GPC3: variants seen among roughly 807,000 people sequenced by gnomAD.
GPC3 encodes the protein glypican 3.
GPC3 carries 3 observed loss-of-function variants against 34.4 expected under a neutral mutation model. That is an observed-to-expected ratio of 0.09 (90% confidence interval 0.04 to 0.23). The LOEUF is 0.23. GPC3 is among the 10% of genes least tolerant of loss of function. The pLI is 1.00. For synonymous variants in GPC3, 177 were observed against 174.0 expected, an observed-to-expected ratio of 1.02 and a Z score of -0.13; for missense variants, 351 against 445.6, an observed-to-expected ratio of 0.79 and a Z score of 1.91.
intron 5 of GPC3, among the ~76,000 whole-genome samples, chrX:133,671,741 G>A (rs1321563839): frequency 9.1e-6 from 1 of 110,465 alleles, no homozygotes; most frequent in Admixed American, 9.7e-5. Flanking sequence ...GTGCCATATT[G>A]GTTTGCTGCA....
chrX:133,981,539 G>C (rs944330135), intron 1 of GPC3, among the ~76,000 whole-genome samples: 2 of 112,125 alleles, frequency 1.8e-5, no homozygotes, highest in African/African-American at 6.5e-5. Flanking sequence ...ACACAATACA[G>C]AGTTTTTTGT....
chrX:133,861,174 G>C (rs1436833186), intron 2 of GPC3, among the ~76,000 whole-genome samples: 1 of 111,421 alleles, frequency 9.0e-6, no homozygotes, highest in East Asian at 2.8e-4. Flanking sequence ...AAACTGCATA[G>C]ACTTAAAATT....
At chrX:133,682,584 C>T (rs1028020239) in intron 5 of GPC3, among the ~76,000 whole-genome samples, 1 of 111,842 alleles carries the variant, frequency 8.9e-6, no homozygotes, top group African/African-American at 3.3e-5. Context: ...GAGTAGGTAT[C>T]ATTACTCCCA....
intron 2 of GPC3, among the ~76,000 whole-genome samples, chrX:133,795,256 G>C (rs559695134): frequency 3.0e-4 from 34 of 112,720 alleles, no homozygotes; most frequent in East Asian, 8.3e-4. Flanking sequence ...CTATTTTTCA[G>C]GAACAATGTC....
At chrX:133,781,603 T>G (rs148529447) in intron 2 of GPC3, among the ~76,000 whole-genome samples, 1 of 112,347 alleles carries the variant, frequency 8.9e-6, no homozygotes, top group South Asian at 3.7e-4. Context: ...AGAGCAGACT[T>G]CTTTTTCTGA....
intron 2 of GPC3, among the ~76,000 whole-genome samples, chrX:133,813,980 C>T (rs943779330): frequency 7.2e-5 from 8 of 111,792 alleles, no homozygotes; most frequent in Non-Finnish European, 1.5e-4. Context: ...ATCGTACAAA[C>T]GTCAGAAATG....
intron 2 of GPC3, among the ~76,000 whole-genome samples, chrX:133,933,533 G>A (rs1344146644): frequency 9.0e-6 from 1 of 110,943 alleles, no homozygotes; most frequent in South Asian, 3.9e-4. Flanking sequence ...TATTTGTACC[G>A]GACCAAATCT....
At chrX:133,646,274 A>T (rs1279603406) in intron 6 of GPC3, among the ~76,000 whole-genome samples, 1 of 111,178 alleles carries the variant, frequency 9.0e-6, no homozygotes, top group Non-Finnish European at 1.9e-5. Context: ...AGCACTGGTA[A>T]TCGGCTACAT....
At chrX:133,742,338 G>C in intron 3 of GPC3, among the ~76,000 whole-genome samples, 1 of 111,371 alleles carries the variant, frequency 9.0e-6, no homozygotes, top group Non-Finnish European at 1.9e-5. Context: ...TTAGTGTGGG[G>C]TTTCATCCAT....
At chrX:133,621,953 C>T (rs1385536047) in intron 6 of GPC3, among the ~76,000 whole-genome samples, 2 of 111,989 alleles carry the variant, frequency 1.8e-5, no homozygotes, top group African/African-American at 6.5e-5. Context: ...TGAGATGAAG[C>T]TTCCAGAGGA....
Position 133,768,948 on chromosome X carries a change from AC to A in GPC3, c.338-14773del, listed in dbSNP as rs199776318. On this transcript the variant is annotated intron_variant, in intron 2 of 7. Transcript: ENST00000370818. Reference sequence around the variant, plus strand: ...GAGCAAGACACTGTCTCAAAAAAAAACAAAAGAAAGAAGAAAGAAAGAAAAG... The same window carrying A: ...GAGCAAGACACTGTCTCAAAAAAAAAAAAAGAAAGAAGAAAGAAAGAAAAG... 5.5e-4 allele frequency among the ~76,000 whole-genome samples: 61 copies of A among 111,000 alleles called. 1 individual carries two copies. Among genetic ancestry groups the A allele is most frequent in the African/African-American group, 1.9e-3 (57 of 30,302 alleles).
chrX:133,710,220 T>C (rs2071254895), intron 3 of GPC3, among the ~76,000 whole-genome samples: 1 of 112,193 alleles, frequency 8.9e-6, no homozygotes, highest in Admixed American at 9.5e-5. Context: ...TGCTGCTAAA[T>C]TGAACTACAG....
intron 2 of GPC3, among the ~76,000 whole-genome samples, chrX:133,796,879 C>G (rs747440604): frequency 1.8e-5 from 2 of 111,474 alleles, no homozygotes; most frequent in African/African-American, 6.5e-5. Flanking sequence ...CCAGCCCTAC[C>G]TAGGCTCATG....
Position 133,789,454 on chromosome X carries a change from C to A in GPC3, c.338-35278G>T, listed in dbSNP as rs2072138897. On this transcript the variant is annotated intron_variant, in intron 2 of 7. Transcript: ENST00000370818. ...CCAGTCTCCATTCTCATTGACACATCACTGCTTTAACTTATATTAATACCT... is the reference window on the plus strand; with the variant it reads ...CCAGTCTCCATTCTCATTGACACATAACTGCTTTAACTTATATTAATACCT... 3.6e-5 allele frequency among the ~76,000 whole-genome samples: 4 copies of A among 112,039 alleles called. No individual in the cohort carries two copies. The South Asian group carries it at 1.5e-3, about 43-fold the overall frequency.
intron 2 of GPC3, among the ~76,000 whole-genome samples, chrX:133,818,581 T>G (rs942919661): frequency 1.3e-4 from 14 of 111,634 alleles, no homozygotes. Flanking sequence ...CCTGAATTCC[T>G]TAGGTGTTGT....
intron 2 of GPC3, among the ~76,000 whole-genome samples, chrX:133,886,349 T>TA (rs768736902): frequency 2.8e-3 from 264 of 94,595 alleles, no homozygotes; most frequent in African/African-American, 7.5e-3. Flanking sequence ...GTCCCTATTT[T>TA]AAAAAAAAAA....
intron 6 of GPC3, among the ~76,000 whole-genome samples, chrX:133,617,759 A>G (rs1251893467): frequency 1.8e-5 from 2 of 111,404 alleles, no homozygotes; most frequent in African/African-American, 6.5e-5. Flanking sequence ...ATTATTTTTC[A>G]CAATGGTTTC....
intron 2 of GPC3, among the ~76,000 whole-genome samples, chrX:133,885,038 T>G (rs890352783): frequency 1.8e-5 from 2 of 112,297 alleles, no homozygotes; most frequent in Admixed American, 1.9e-4. Flanking sequence ...CCTTTGTCTA[T>G]CAAGATGACA....
At chrX:133,901,691 G>A (rs747669530) in intron 2 of GPC3, among the ~76,000 whole-genome samples, 21 of 111,367 alleles carry the variant, frequency 1.9e-4, no homozygotes, top group Non-Finnish European at 3.0e-4. Flanking sequence ...TGCCCGCCTC[G>A]GCCTCCCAAG....
Sources: allele counts gnomAD v4.1 joint callset (sites outside exome capture counted in the v4.1 genomes callset), GRCh38; gene constraint gnomAD v4.1.1; transcripts MANE v1.5; gene names NCBI Gene and HGNC (gene_info 2026-07-23, HGNC 2026-07-21).